The following COPB1 variants were observed in gnomAD, a reference collection of about 807,000 sequenced individuals.
COPB1 encodes the protein coat protein complex I subunit beta 1, also known as coatomer subunit beta.
In COPB1, 21 loss-of-function variants were observed where a neutral mutation model predicts 108.7. The observed-to-expected ratio is 0.19, with a 90% CI of 0.14 to 0.28. The LOEUF is 0.28. Among genes scored for constraint, COPB1 ranks in the 10% least tolerant of loss-of-function variants. The probability of loss-of-function intolerance (pLI) is 1.00; values close to 1 mark genes in which losing one functional copy is unlikely to be tolerated. For missense variants in COPB1, 919 were observed against 1,141.3 expected, an observed-to-expected ratio of 0.81 and a Z score of 2.81; for synonymous variants, 378 against 386.8, an observed-to-expected ratio of 0.98 and a Z score of 0.27.
rs192212179 is a variant in COPB1 at position 14,492,867 on chromosome 11, C to T, written c.491+775G>A. ...TGGTTTAAAAATCCAAAATCTCAGC[C>T]GGGCGTGGCAGCCTGCACCTACAAT... On this transcript the variant is annotated intron_variant, in intron 4 of 21. Transcript: ENST00000439561. Among the ~76,000 whole-genome samples the T allele has an allele frequency of 9.4e-4, 143 of 152,130 alleles. 1 individual carries two copies. The highest frequency in any genetic ancestry group is 3.4e-3 in the Middle Eastern group (1 of 294).
intron 10 of COPB1, among the ~76,000 whole-genome samples, chr11:14,480,502 G>C (rs1034381822): frequency 6.6e-6 from 1 of 151,812 alleles, no homozygotes; most frequent in African/African-American, 2.4e-5. Flanking sequence ...TTTACTTTAG[G>C]TAACTGTATC....
chr11:14,498,942 AT>A lies in COPB1; in HGVS notation c.-15del. ...AGCCGCCGTCATGGTTTCTGGTTAT[AT>A]TATAACCAATCCTTGACACAAGATT... is the stretch of plus-strand genomic sequence containing the variant. On this transcript the variant is annotated 5_prime_UTR_variant, in exon 2 of 22. Coordinates refer to ENST00000439561, the MANE Select transcript of COPB1 (RefSeq NM_001144061.2). 1 of 1,593,972 alleles carries A rather than the reference AT, an allele frequency of 6.3e-7. No homozygotes were observed. Among genetic ancestry groups the A allele is most frequent in the Non-Finnish European group, 8.5e-7 (1 of 1,170,994 alleles).
chr11:14,458,761 GA>G, intron 20 of COPB1, 74 bp from the exon 21 acceptor site: 1 of 1,237,848 alleles, frequency 8.1e-7, no homozygotes, highest in South Asian at 1.6e-5. Context: ...CAGCATAGGT[GA>G]CTTTTTTTTT....
At position 14,494,294 on chromosome 11, in the gene COPB1, C is replaced by T. The variant is rs773388180; in HGVS notation, c.237G>A (p.Leu79=). 4 of 1,613,664 alleles carry T rather than the reference C, an allele frequency of 2.5e-6. No individual in the cohort carries two copies. The highest frequency in any genetic ancestry group is 3.3e-5 in the Admixed American group (2 of 60,002). ...LQDHTIKKLL[L]VFWEIVPKTT... is the part of the protein sequence containing the mutation. ...TTTTAGGAACAATTTCCCAAAATAC[C>T]AGAAGTAATTTCTTGATAGTGTGAT... The change falls in exon 3 of 22, where the codon CTG becomes CTA. Residue 79 remains leucine, a synonymous_variant. Transcript: ENST00000439561.
At chr11:14,477,225 T>C (rs1850540323) in intron 11 of COPB1, among the ~76,000 whole-genome samples, 1 of 148,932 alleles carries the variant, frequency 6.7e-6, no homozygotes, top group African/African-American at 2.5e-5. Context: ...CTACTAAAAA[T>C]ACAAAAAAAT....
intron 13 of COPB1, among the ~76,000 whole-genome samples, chr11:14,475,119 A>G (rs2575835): frequency 0.65 from 87,157 of 133,240 alleles, 29,006 homozygotes; most frequent in African/African-American, 0.7. Context: ...AAAAAAAAAA[A>G]GAAAACTTAT....
chr11:14,466,347 T>C lies in COPB1; in HGVS notation c.2225A>G (p.Asp742Gly). The C allele has an allele frequency of 6.2e-7, 1 of 1,613,666 alleles. No homozygotes were observed. The highest frequency in any genetic ancestry group is 8.5e-7 in the Non-Finnish European group (1 of 1,179,814). ...VHVNQYDIVL[D>G]VLVVNQTSDT... ...ACTGGTTTGGTTCACAACAAGTACA[T>C]CCAGGACAATATCATATTGGTTGAC... Residue 742 changes from aspartate to glycine, a missense_variant, in exon 17 of 22, where the codon GAT (aspartate) becomes GGT (glycine). Around this residue, in one of 5 missense-constraint regions of COPB1, gnomAD observed 705 missense variants for 817.8 expected, o/e 0.86. Coordinates refer to ENST00000439561, the MANE Select transcript of COPB1 (RefSeq NM_001144061.2).
At chr11:14,469,233 G>A in intron 15 of COPB1, 103 bp downstream of exon 15, 1 of 931,746 alleles carries the variant, frequency 1.1e-6, no homozygotes, top group Non-Finnish European at 1.7e-6. Context: ...CTGGCCCCAA[G>A]GAGTCCTCCT....
At chr11:14,495,194 G>T (rs564107956) in intron 2 of COPB1, among the ~76,000 whole-genome samples, 3 of 152,114 alleles carry the variant, frequency 2.0e-5, no homozygotes, top group Non-Finnish European at 4.4e-5. Flanking sequence ...GCATACTGAA[G>T]AATTTATAGT....
chr11:14,478,957 C>CG, intron 11 of COPB1: 1 of 68,414 alleles, frequency 1.5e-5, no homozygotes, highest in East Asian at 5.2e-4. Context: ...AGCCCTCTCA[C>CG]AAAAAAAAAA....
At chr11:14,488,677 T>G (rs1473766502) in intron 5 of COPB1, 93 bp from the exon 6 acceptor site, 1 of 621,446 alleles carries the variant, frequency 1.6e-6, no homozygotes, top group African/African-American at 1.9e-5. Context: ...CAACTCAATA[T>G]AAAACAAATG....
At chr11:14,458,178 C>G (rs146071739) in intron 21 of COPB1, among the ~76,000 whole-genome samples, 4 of 145,280 alleles carry the variant, frequency 2.8e-5, no homozygotes, top group African/African-American at 1.0e-4. Context: ...CTCCCGGGTT[C>G]AAGCAATTCT....
chr11:14,461,091 A>G, intron 19 of COPB1, 95 bp downstream of exon 19: 1 of 1,483,148 alleles, frequency 6.7e-7, no homozygotes, highest in Non-Finnish European at 9.3e-7. Flanking sequence ...CATGTTAAAC[A>G]CTTTTTAGCG....
chr11:14,479,482 ATTCTATT>A, intron 11 of COPB1, 80 bp downstream of exon 11: 1 of 1,321,768 alleles, frequency 7.6e-7, no homozygotes, highest in Non-Finnish European at 1.0e-6. Flanking sequence ...TGTCCTCTCC[ATTCTATT>A]TTCTATCAAC....
At chr11:14,486,655 T>A in intron 6 of COPB1, 151 bp from the exon 7 acceptor site, 2 of 922,622 alleles carry the variant, frequency 2.2e-6, no homozygotes, top group Admixed American at 2.6e-5. Flanking sequence ...TCAGACAAAA[T>A]GGGATGAGAC....
intron 5 of COPB1, among the ~76,000 whole-genome samples, chr11:14,490,129 A>T (rs564489335): frequency 1.3e-5 from 2 of 152,208 alleles, no homozygotes; most frequent in Non-Finnish European, 2.9e-5. Context: ...GCAGAGCAGG[A>T]TGTGGAGTTG....
In COPB1 at chr11:14,498,826, A is replaced by G. The variant is rs755706365; in HGVS notation, c.91+12T>C. 2 of 1,565,060 alleles carry G rather than the reference A, an allele frequency of 1.3e-6. No individual in the cohort carries two copies. The highest frequency in any genetic ancestry group is 1.7e-6 in the Non-Finnish European group (2 of 1,156,152). The stretch of plus-strand genomic sequence containing the variant: ...TTTTTCATTTCATTCTCAAAATAAT[A>G]TCGAAGTTTACCTAGATCATTTTTT... On this transcript the variant is annotated intron_variant, in intron 2 of 21. Transcript: ENST00000439561.
At chr11:14,485,301 C>A (rs1261633546) in intron 7 of COPB1, among the ~76,000 whole-genome samples, 2 of 152,012 alleles carry the variant, frequency 1.3e-5, no homozygotes, top group African/African-American at 2.4e-5. Context: ...GGACTCCAGG[C>A]ATGCACCACC....
chr11:14,474,641 A>C (rs200255955), intron 13 of COPB1, 26 bp from the exon 14 acceptor site: 1 of 1,611,608 alleles, frequency 6.2e-7, no homozygotes, highest in Non-Finnish European at 8.5e-7. Flanking sequence ...GGAAAATCAA[A>C]CCCACCAACT....
Sources: gnomAD v4.1 joint callset for allele counts (sites outside exome capture counted in the v4.1 genomes callset) on GRCh38, gnomAD v4.1.1 for gene constraint, gnomAD v4.1.1 regional missense constraint, MANE v1.5 for transcripts, NCBI Gene and HGNC (gene_info 2026-07-23, HGNC 2026-07-21) for gene names.